The following FHIT variants were observed in gnomAD, a reference collection of about 807,000 sequenced individuals.
FHIT encodes fragile histidine triad diadenosine triphosphatase.
A neutral mutation model predicts 17.9 loss-of-function variants in FHIT; 19 were observed. That is an observed-to-expected ratio of 1.06 (90% CI 0.74 to 1.56). The LOEUF (loss-of-function observed/expected upper bound fraction) is 1.56, where lower values mean the gene tolerates loss of function less well. Among genes scored for constraint, FHIT ranks in the 40% most tolerant of loss-of-function variants. FHIT has a pLI of 0.00. For synonymous variants in FHIT, 81 were observed against 69.7 expected (o/e 1.16, Z -0.81); for missense variants, 248 against 189.2 (o/e 1.31, Z -1.82).
At chr3:60,556,855 T>C (rs2036758784) in intron 4 of FHIT, among the ~76,000 whole-genome samples, 1 of 152,236 alleles carries the variant, frequency 6.6e-6, no homozygotes, top group Non-Finnish European at 1.5e-5. Flanking sequence ...GGAAATACTG[T>C]GCTCAGGGCA....
At chr3:60,096,246 G>C (rs1162523674) in intron 5 of FHIT, among the ~76,000 whole-genome samples, 2 of 152,272 alleles carry the variant, frequency 1.3e-5, no homozygotes, top group Non-Finnish European at 2.9e-5. Context: ...GTTTTATTGA[G>C]TGATGAAAAC....
At chr3:60,239,594 G>C (rs1300626886) in intron 5 of FHIT, among the ~76,000 whole-genome samples, 2 of 152,056 alleles carry the variant, frequency 1.3e-5, no homozygotes, top group Admixed American at 6.5e-5. Flanking sequence ...TTTTGTTTTG[G>C]GCATGAAAAA....
chr3:60,156,407 G>T (rs1010893590), intron 5 of FHIT, among the ~76,000 whole-genome samples: 2 of 151,480 alleles, frequency 1.3e-5, no homozygotes, highest in African/African-American at 4.8e-5. Flanking sequence ...TTAAAACTCA[G>T]ATGTTATAGT....
chr3:60,653,452 T>A (rs1354458889), intron 4 of FHIT, among the ~76,000 whole-genome samples: 2 of 151,828 alleles, frequency 1.3e-5, no homozygotes, highest in Non-Finnish European at 2.9e-5. Flanking sequence ...AATATATAGA[T>A]GAACAATTCA....
At chr3:61,107,863 C>T (rs192735873) in intron 2 of FHIT, among the ~76,000 whole-genome samples, 189 of 152,258 alleles carry the variant, frequency 1.2e-3, no homozygotes, top group African/African-American at 4.2e-3. Flanking sequence ...TGCAGCTGGG[C>T]GCTTGCCTTA....
chr3:61,103,811 G>A (rs2035908973), intron 2 of FHIT, among the ~76,000 whole-genome samples: 1 of 151,798 alleles, frequency 6.6e-6, no homozygotes, highest in Admixed American at 6.6e-5. Flanking sequence ...TTATGTAATG[G>A]CTTTCTTTGT....
chr3:61,133,561 C>T (rs1164248900), intron 2 of FHIT, among the ~76,000 whole-genome samples: 1 of 152,100 alleles, frequency 6.6e-6, no homozygotes, highest in African/African-American at 2.4e-5. Flanking sequence ...TAGCTTGAAA[C>T]TCAGCAGTCA....
Position 60,963,417 on chromosome 3 carries a change from G to T in FHIT, c.-111+78630C>A, listed in dbSNP as rs190755687. On this transcript the variant is annotated intron_variant, in intron 3 of 9. Transcript: ENST00000492590. ...ACTGATTTTTTGAAGGGTTTTTTGT[G>T]TCTCTATCTCCTTCAGTTCTGCTCT... Among the ~76,000 whole-genome samples, 244 of 152,212 alleles carry T rather than the reference G, an allele frequency of 1.6e-3. 3 individuals carry two copies. The highest frequency in any genetic ancestry group is 0.014 in the Middle Eastern group (4 of 294).
At chr3:60,206,144 A>AAAT (rs1553712141) in intron 5 of FHIT, among the ~76,000 whole-genome samples, 2 of 134,826 alleles carry the variant, frequency 1.5e-5, no homozygotes, top group African/African-American at 5.9e-5. Flanking sequence ...AAAAAAAAAA[A>AAAT]AAATAAATAA....
intron 5 of FHIT, among the ~76,000 whole-genome samples, chr3:60,313,540 C>T (rs941048639): frequency 6.6e-6 from 1 of 152,152 alleles, no homozygotes; most frequent in Admixed American, 6.6e-5. Context: ...TCACTTTATA[C>T]AAATAGGTTG....
chr3:60,054,044 G>T (rs1335498219), intron 5 of FHIT, among the ~76,000 whole-genome samples: 1 of 152,120 alleles, frequency 6.6e-6, no homozygotes, highest in Non-Finnish European at 1.5e-5. Context: ...ATTGAGAGGA[G>T]AACAAATTTA....
chr3:59,963,203 T>C (rs1038518), intron 7 of FHIT, among the ~76,000 whole-genome samples: 127,641 of 151,808 alleles, frequency 0.84, 54,014 homozygotes, highest in East Asian at 0.92. Context: ...GGAGGTGGAG[T>C]TCGCAATGAG....
chr3:60,445,394 T>A (rs2031254873), intron 5 of FHIT, among the ~76,000 whole-genome samples: 1 of 151,794 alleles, frequency 6.6e-6, no homozygotes, highest in South Asian at 2.1e-4. Flanking sequence ...AAGAAGCAAT[T>A]ATGATACGTT....
chr3:60,618,827 CAG>C (rs2039030614), intron 4 of FHIT, among the ~76,000 whole-genome samples: 2 of 152,034 alleles, frequency 1.3e-5, no homozygotes, highest in African/African-American at 4.8e-5. Flanking sequence ...CTGTATAAGA[CAG>C]ACTTGACCAC....
Position 60,955,633 on chromosome 3 carries a change from T to TATATAC in FHIT, c.-111+86413_-111+86414insGTATAT, listed in dbSNP as rs1272864632. Reference sequence around the variant, plus strand: ...ATATATATATATATATATATATATATACACACACACACATATATACATGTG... The same window carrying TATATAC: ...ATATATATATATATATATATATATATATATACACACACACACACATATATACATGTG... On this transcript the variant is annotated intron_variant, in intron 3 of 9. Transcript: ENST00000492590. Among the ~76,000 whole-genome samples, 34 of 39,520 alleles carry TATATAC rather than the reference T, an allele frequency of 8.6e-4. 1 individual carries two copies. Among genetic ancestry groups the TATATAC allele is most frequent in the African/African-American group, 2.6e-3 (32 of 12,448 alleles). The allele number at this position is 39,520 out of a possible 152,430, so 25.9% of individuals were successfully genotyped here.
At chr3:60,319,031 T>G (rs1468181292) in intron 5 of FHIT, among the ~76,000 whole-genome samples, 1 of 152,144 alleles carries the variant, frequency 6.6e-6, no homozygotes, top group Non-Finnish European at 1.5e-5. Context: ...CCTGCCTTCC[T>G]CTTCTTACAA....
At chr3:60,097,131 G>A (rs1269462675) in intron 5 of FHIT, among the ~76,000 whole-genome samples, 1 of 151,684 alleles carries the variant, frequency 6.6e-6, no homozygotes, top group Non-Finnish European at 1.5e-5. Context: ...TATCAAGTAA[G>A]GACACCCATT....
intron 5 of FHIT, among the ~76,000 whole-genome samples, chr3:60,408,857 C>A (rs1196507317): frequency 6.6e-6 from 1 of 152,016 alleles, no homozygotes; most frequent in Admixed American, 6.6e-5. Context: ...AAACAAAAAA[C>A]AAAAGCCATA....
chr3:60,130,793 A>ACACATATATATGTGTGTGTGTGTGTG (rs1165614900), intron 5 of FHIT, among the ~76,000 whole-genome samples: 8 of 140,428 alleles, frequency 5.7e-5, no homozygotes, highest in Non-Finnish European at 9.4e-5. Flanking sequence ...TGGTGTGTAT[A>ACACATATATATGTGTGTGTGTGTGTG]TACACACATA....
Sources: gnomAD v4.1 joint callset for allele counts (sites outside exome capture counted in the v4.1 genomes callset) on GRCh38, gnomAD v4.1.1 for gene constraint, MANE v1.5 for transcripts, NCBI Gene and HGNC (gene_info 2026-07-23, HGNC 2026-07-21) for gene names.